The following KCNH7 variants were observed in gnomAD, a reference collection of about 807,000 sequenced individuals.
The protein encoded by KCNH7 is voltage-gated inwardly rectifying potassium channel KCNH7.
A neutral mutation model predicts 120.8 loss-of-function variants in KCNH7; 49 were observed. The observed-to-expected ratio is 0.41, with a 90% CI of 0.32 to 0.51. KCNH7 has a LOEUF of 0.51. Among genes scored for constraint, KCNH7 ranks in the 20% least tolerant of loss-of-function variants. The probability of loss-of-function intolerance (pLI) is 0.38; values close to 1 mark genes in which losing one functional copy is unlikely to be tolerated. For synonymous variants in KCNH7, 547 were observed against 516.1 expected, an observed-to-expected ratio of 1.06 and a Z score of -0.81; for missense variants, 1,097 against 1,446.6, an observed-to-expected ratio of 0.76 and a Z score of 3.92.
intron 6 of KCNH7, among the ~76,000 whole-genome samples, chr2:162,482,432 G>A (rs1300514030): frequency 1.3e-5 from 2 of 151,598 alleles, no homozygotes; most frequent in South Asian, 4.2e-4. Context: ...TGTCTTCTGT[G>A]GTGTGTGTGT....
chr2:162,786,577 T>TGAAAATGTTTC (rs1683713966), intron 2 of KCNH7, among the ~76,000 whole-genome samples: 1 of 152,206 alleles, frequency 6.6e-6, no homozygotes. Context: ...GTAATATCTT[T>TGAAAATGTTTC]GAAAATGTTT....
intron 8 of KCNH7, among the ~76,000 whole-genome samples, chr2:162,432,254 C>G (rs1355847849): frequency 6.6e-6 from 1 of 151,958 alleles, no homozygotes; most frequent in Non-Finnish European, 1.5e-5. Context: ...ATACATATTT[C>G]TATTATTCTA....
intron 2 of KCNH7, among the ~76,000 whole-genome samples, chr2:162,694,232 C>A (rs1686210549): frequency 6.6e-6 from 1 of 152,120 alleles, no homozygotes; most frequent in African/African-American, 2.4e-5. Flanking sequence ...AATGAACATC[C>A]TTCTGTAGTT....
chr2:162,813,824 T>C (rs1428782863), intron 2 of KCNH7, among the ~76,000 whole-genome samples: 1 of 152,200 alleles, frequency 6.6e-6, no homozygotes, highest in African/African-American at 2.4e-5. Context: ...ACTACTAACT[T>C]CTAAACTTCA....
At chr2:162,553,298 C>T (rs1036263656) in intron 2 of KCNH7, among the ~76,000 whole-genome samples, 1 of 152,074 alleles carries the variant, frequency 6.6e-6, no homozygotes, top group African/African-American at 2.4e-5. Flanking sequence ...CTCAACCAGC[C>T]GTTATGATTC....
chr2:162,786,416 G>A (rs994324411), intron 2 of KCNH7, among the ~76,000 whole-genome samples: 2 of 152,102 alleles, frequency 1.3e-5, no homozygotes, highest in Non-Finnish European at 2.9e-5. Context: ...ACAGAGGTAA[G>A]CCAATTGTCC....
intron 2 of KCNH7, among the ~76,000 whole-genome samples, chr2:162,829,534 G>A (rs146034058): frequency 3.4e-4 from 52 of 152,232 alleles, no homozygotes; most frequent in African/African-American, 1.2e-3. Context: ...TGGGCTATTA[G>A]AGATTGTTGG....
intron 2 of KCNH7, among the ~76,000 whole-genome samples, chr2:162,629,204 A>T (rs368195534): frequency 6.6e-6 from 1 of 152,116 alleles, no homozygotes; most frequent in East Asian, 1.9e-4. Flanking sequence ...GAGTGGTCCC[A>T]AGTAGTTATG....
At chr2:162,433,519 G>T (rs1573952594) in intron 8 of KCNH7, among the ~76,000 whole-genome samples, 1 of 152,052 alleles carries the variant, frequency 6.6e-6, no homozygotes, top group South Asian at 2.1e-4. Flanking sequence ...ATGAAAATAA[G>T]CAATGTATAA....
chr2:162,519,642 T>A (rs1397988589), intron 3 of KCNH7, among the ~76,000 whole-genome samples: 1 of 151,778 alleles, frequency 6.6e-6, no homozygotes, highest in Non-Finnish European at 1.5e-5. Flanking sequence ...CAAACAATAA[T>A]CTGTAACCCA....
intron 14 of KCNH7, among the ~76,000 whole-genome samples, chr2:162,375,014 T>C (rs940602519): frequency 6.6e-6 from 1 of 152,208 alleles, no homozygotes; most frequent in Non-Finnish European, 1.5e-5. Flanking sequence ...TTCACTGTTA[T>C]GTGTTATACA....
intron 2 of KCNH7, among the ~76,000 whole-genome samples, chr2:162,764,343 T>C (rs1689071903): frequency 6.6e-6 from 1 of 152,124 alleles, no homozygotes; most frequent in South Asian, 2.1e-4. Context: ...ATTTTATATA[T>C]GTATTAAGAA....
chr2:162,396,231 A>C (rs1686909643), intron 11 of KCNH7, among the ~76,000 whole-genome samples: 3 of 151,774 alleles, frequency 2.0e-5, no homozygotes, highest in African/African-American at 7.2e-5. Context: ...AAAACTGACA[A>C]TACTGTAAAA....
Position 162,601,539 on chromosome 2 carries a change from C to A in KCNH7, c.308-64459G>T, listed in dbSNP as rs181922052. ...TGTAGTTAAATGTCATGTTCCCTAA[C>A]AAACTATAAAATTAATCTCTTTAAC... On this transcript the variant is annotated intron_variant, in intron 2 of 15. Transcript: ENST00000332142. Among the ~76,000 whole-genome samples, 308 of 149,946 alleles carry A rather than the reference C, an allele frequency of 2.1e-3. 2 individuals carry two copies. The highest frequency in any genetic ancestry group is 7.0e-3 in the African/African-American group (287 of 40,940).
At chr2:162,560,787 T>C (rs1277078160) in intron 2 of KCNH7, among the ~76,000 whole-genome samples, 1 of 152,230 alleles carries the variant, frequency 6.6e-6, no homozygotes, top group Non-Finnish European at 1.5e-5. Flanking sequence ...AAAATAAATA[T>C]AGTTTTATTA....
intron 2 of KCNH7, among the ~76,000 whole-genome samples, chr2:162,727,258 A>AT: frequency 6.6e-6 from 1 of 152,198 alleles, no homozygotes; most frequent in Non-Finnish European, 1.5e-5. Context: ...ATGCTTATAT[A>AT]AAACAGTTTA....
At chr2:162,801,800 T>A in intron 2 of KCNH7, among the ~76,000 whole-genome samples, 1 of 151,744 alleles carries the variant, frequency 6.6e-6, no homozygotes, top group East Asian at 1.9e-4. Context: ...GAGTCCTGCC[T>A]GAATACTAAT....
chr2:162,386,245 CA>C (rs1207577171), intron 12 of KCNH7, among the ~76,000 whole-genome samples: 1 of 151,778 alleles, frequency 6.6e-6, no homozygotes, highest in Non-Finnish European at 1.5e-5. Context: ...AATCTTCTTA[CA>C]AAAAGCCTTT....
intron 2 of KCNH7, among the ~76,000 whole-genome samples, chr2:162,834,514 T>C (rs981087588): frequency 6.6e-6 from 1 of 152,086 alleles, no homozygotes; most frequent in African/African-American, 2.4e-5. Context: ...GGTTAATTTC[T>C]TTATACCCAA....
Sources: allele counts gnomAD v4.1 joint callset (sites outside exome capture counted in the v4.1 genomes callset), GRCh38; gene constraint gnomAD v4.1.1; transcripts MANE v1.5; gene names NCBI Gene and HGNC (gene_info 2026-07-23, HGNC 2026-07-21).